PTPRF: variants seen among roughly 807,000 people sequenced by gnomAD.
The protein encoded by PTPRF is protein tyrosine phosphatase receptor type F.
PTPRF carries 59 observed loss-of-function variants against 201.8 expected under a neutral mutation model. The ratio of observed to expected loss-of-function variants is 0.29; its 90% CI spans 0.24 to 0.36. The LOEUF is 0.36. PTPRF is among the 10% of genes least tolerant of loss of function. The pLI is 1.00. For synonymous variants in PTPRF, 1,088 were observed against 1,089.7 expected (o/e 1.00, Z 0.03); for missense variants, 2,132 against 2,690.5 (o/e 0.79, Z 4.59).
At chr1:43,545,917 G>A (rs1011241717) in intron 3 of PTPRF, among the ~76,000 whole-genome samples, 6 of 152,118 alleles carry the variant, frequency 3.9e-5, no homozygotes, top group East Asian at 3.9e-4. Flanking sequence ...GCCTCAGCCC[G>A]CCCCATCGCC....
chr1:43,608,871 CTG>C lies in PTPRF; in HGVS notation c.3858-511_3858-510del, dbSNP rs745909719. ...GACCCTGTCCTTGTAGATGGGAAAA[CTG>C]AGGCCAGTGAGAGAGGACTCTGCCC... is the stretch of plus-strand genomic sequence containing the variant. On this transcript the variant is annotated intron_variant, in intron 21 of 33. Coordinates refer to ENST00000359947, the MANE Select transcript of PTPRF (RefSeq NM_002840.5). Among the ~76,000 whole-genome samples the C allele has an allele frequency of 5.3e-5, 8 of 152,312 alleles. 1 individual carries two copies. The highest frequency in any genetic ancestry group is 1.9e-4 in the East Asian group (1 of 5,186).
At chr1:43,592,065 G>A in intron 10 of PTPRF, 117 bp downstream of exon 10, 1 of 1,411,526 alleles carries the variant, frequency 7.1e-7, no homozygotes, top group African/African-American at 1.4e-5. Context: ...CAGCCTCTAA[G>A]GTTTCTGCTG....
chr1:43,522,802 T>A (rs1357910621), upstream of PTPRF, among the ~76,000 whole-genome samples: 2 of 150,078 alleles, frequency 1.3e-5, no homozygotes, highest in Non-Finnish European at 3.0e-5. Flanking sequence ...ACCAGAAGCG[T>A]TGTGTTGGAT....
intron 5 of PTPRF, among the ~76,000 whole-genome samples, chr1:43,559,493 G>A (rs961738666): frequency 4.0e-5 from 6 of 151,716 alleles, no homozygotes; most frequent in Middle Eastern, 3.4e-3. Flanking sequence ...GCGGTGTGCC[G>A]TGCGGCAGGC....
At chr1:43,560,773 G>A (rs1645751238) in intron 5 of PTPRF, among the ~76,000 whole-genome samples, 1 of 152,176 alleles carries the variant, frequency 6.6e-6, no homozygotes. Context: ...GAGGTGGGGT[G>A]CACCAGATAG....
chr1:43,572,790 C>T (rs1646662505), intron 6 of PTPRF, among the ~76,000 whole-genome samples: 1 of 152,166 alleles, frequency 6.6e-6, no homozygotes, highest in Non-Finnish European at 1.5e-5. Context: ...GCCCCCTTCA[C>T]AGCTGAGTTA....
At chr1:43,598,544 G>C in intron 12 of PTPRF, 176 bp from the exon 13 acceptor site, 1 of 631,620 alleles carries the variant, frequency 1.6e-6, no homozygotes, top group Non-Finnish European at 2.7e-6. Flanking sequence ...TCTTACCCGT[G>C]GCGGGCAGAG....
rs1455230320 is a variant in PTPRF at position 43,623,540 on chromosome 1, C to A, written c.*1537C>A. On this transcript the variant is annotated 3_prime_UTR_variant, in exon 34 of 34. Transcript: ENST00000359947. ...TGGATGATGAAACATTCATTTTTAC[C>A]TTGTGGATGCTAGTGCTGTAGAGTT... 6.6e-6 allele frequency: 1 copy of A among 152,568 alleles called. No homozygotes were observed. Among genetic ancestry groups the A allele is most frequent in the Non-Finnish European group, 1.5e-5 (1 of 68,028 alleles). 9.5% of individuals were successfully genotyped at this position (152,568 alleles called of 1,614,324 possible). A position where few individuals can be genotyped will look rare whatever the true frequency, so the allele number is the denominator to read the frequency against.
chr1:43,581,104 A>G (rs1205086297), intron 7 of PTPRF, among the ~76,000 whole-genome samples: 3 of 152,230 alleles, frequency 2.0e-5, no homozygotes, highest in Non-Finnish European at 1.5e-5. Context: ...GTCACTGCCC[A>G]GGGAGCTCTT....
intron 2 of PTPRF, among the ~76,000 whole-genome samples, 176 bp downstream of exon 2, chr1:43,538,453 G>A (rs1463582121): frequency 6.6e-6 from 1 of 152,180 alleles, no homozygotes; most frequent in African/African-American, 2.4e-5. Flanking sequence ...GGACCAGGGA[G>A]GCAGTGACAG....
At chr1:43,571,505 C>T (rs1646565397) in intron 6 of PTPRF, among the ~76,000 whole-genome samples, 2 of 152,244 alleles carry the variant, frequency 1.3e-5, no homozygotes, top group African/African-American at 4.8e-5. Flanking sequence ...GAGTGATGAC[C>T]TTCTTTTCAG....
chr1:43,552,374 A>C (rs1309975127), intron 3 of PTPRF, among the ~76,000 whole-genome samples: 1 of 152,232 alleles, frequency 6.6e-6, no homozygotes. Flanking sequence ...CCTCACTGGC[A>C]TGTGATCTTG....
At chr1:43,533,328 G>T (rs1643796496) in intron 1 of PTPRF, among the ~76,000 whole-genome samples, 1 of 152,166 alleles carries the variant, frequency 6.6e-6, no homozygotes, top group South Asian at 2.1e-4. Context: ...ATTTGGCGGG[G>T]CAGAGTTAGA....
rs1202367134 is a variant in PTPRF at position 43,617,864 on chromosome 1, C to T, written c.4324C>T (p.Arg1442Cys). The change falls in exon 25 of 34, where the codon CGC becomes TGC. Residue 1442 changes from arginine to cysteine, a missense_variant. This residue lies in a region of PTPRF where 519 missense variants were observed against 659.5 expected (regional missense o/e 0.79). Transcript: ENST00000359947. ...GDFWRMVWEQ[R>C]TATVVMMTRL... is the part of the protein sequence containing the mutation. ...TTTCTGGAGGATGGTGTGGGAACAG[C>T]GCACGGCCACTGTGGTCATGATGAC... is the stretch of plus-strand genomic sequence containing the variant. 1 of 1,613,756 alleles carries T rather than the reference C, an allele frequency of 6.2e-7. No homozygotes were observed. Among genetic ancestry groups the T allele is most frequent in the Non-Finnish European group, 8.5e-7 (1 of 1,179,798 alleles).
In PTPRF at chr1:43,588,651, C is replaced by T; in HGVS notation, c.680-80C>T. The T allele has an allele frequency of 4.5e-6, 7 of 1,553,962 alleles. No individual in the cohort carries two copies. Among genetic ancestry groups the T allele is most frequent in the South Asian group, 2.4e-5 (2 of 82,982 alleles). On this transcript the variant is annotated intron_variant, in intron 7 of 33. Coordinates refer to ENST00000359947, the MANE Select transcript of PTPRF (RefSeq NM_002840.5). This position sits in a 1 kb window ranked among gnomAD's most constrained non-coding sequence, Gnocchi z 5.3. ...GGTTTGGCTCTGACCAGAGGGGCTTCCTGAATGAGGGGCCCCTGCCCTTCC... is the reference window on the plus strand; with the variant it reads ...GGTTTGGCTCTGACCAGAGGGGCTTTCTGAATGAGGGGCCCCTGCCCTTCC...
Position 43,620,510 on chromosome 1 carries a change from T to C in PTPRF, c.5295T>C (p.Val1765=). 1 of 1,613,838 alleles carries C rather than the reference T, an allele frequency of 6.2e-7. No homozygotes were observed. Among genetic ancestry groups the C allele is most frequent in the Non-Finnish European group, 8.5e-7 (1 of 1,179,696 alleles). The change falls in exon 31 of 34, where the codon GTT becomes GTC. Residue 1765 remains valine, a synonymous_variant. Coordinates refer to ENST00000359947, the MANE Select transcript of PTPRF (RefSeq NM_002840.5). The part of the protein sequence containing the change: ...AERSARYQYF[V]VDPMAEYNMP... ...GCTCTGCTCGCTACCAGTACTTTGT[T>C]GTTGACCCGATGGCTGAGTACAACA...
At chr1:43,599,715 A>G (rs1457228866) in intron 13 of PTPRF, among the ~76,000 whole-genome samples, 1 of 148,576 alleles carries the variant, frequency 6.7e-6, no homozygotes, top group Non-Finnish European at 1.5e-5. Context: ...TGCTATTCAG[A>G]TGAAGAACTT....
chr1:43,578,144 C>T (rs1197317382), intron 6 of PTPRF, among the ~76,000 whole-genome samples: 1 of 152,212 alleles, frequency 6.6e-6, no homozygotes, highest in Non-Finnish European at 1.5e-5. Flanking sequence ...AGTGAGAGCT[C>T]CAACCTCCAT....
At chr1:43,530,444 A>C (rs1643337255), upstream of PTPRF, among the ~76,000 whole-genome samples, 1 of 151,984 alleles carries the variant, frequency 6.6e-6, no homozygotes, top group Admixed American at 6.5e-5. This position sits in a 1 kb window ranked among gnomAD's most constrained non-coding sequence, Gnocchi z 4.1. Context: ...TAGAGTCAGA[A>C]TTGGTATTTG....
Sources: gnomAD v4.1 joint callset for allele counts (sites outside exome capture counted in the v4.1 genomes callset) on GRCh38, gnomAD v4.1.1 for gene constraint, gnomAD v4.1.1 regional missense constraint, Gnocchi (gnomAD v3.1) non-coding constraint, MANE v1.5 for transcripts, NCBI Gene and HGNC (gene_info 2026-07-23, HGNC 2026-07-21) for gene names.